The following MFNG variants were observed in gnomAD, a reference collection of about 807,000 sequenced individuals.
The protein encoded by MFNG is beta-1,3-N-acetylglucosaminyltransferase manic fringe.
In MFNG, 24 loss-of-function variants were observed where a neutral mutation model predicts 34.2. That is an observed-to-expected ratio of 0.70 (90% confidence interval 0.51 to 0.99). The LOEUF is 0.99. Among genes scored for constraint, MFNG ranks in the 50% least tolerant of loss-of-function variants. MFNG has a pLI of 0.00. For missense variants in MFNG, 383 were observed against 424.0 expected, an observed-to-expected ratio of 0.90 and a Z score of 0.85; for synonymous variants, 158 against 179.2, an observed-to-expected ratio of 0.88 and a Z score of 0.94.
At chr22:37,470,821 C>A (rs1921772400) in intron 7 of MFNG, among the ~76,000 whole-genome samples, 1 of 152,166 alleles carries the variant, frequency 6.6e-6, no homozygotes, top group African/African-American at 2.4e-5. Context: ...AAATTTGACA[C>A]CATTCCCTCC....
At position 37,480,302 on chromosome 22, in the gene MFNG, G is replaced by A. The variant is rs752451198; in HGVS notation, c.305-3C>T. The A allele has an allele frequency of 2.5e-6, 4 of 1,612,206 alleles. No individual in the cohort carries two copies. In the South Asian group the frequency reaches 3.3e-5, roughly 13 times the overall value. On this transcript the variant is annotated splice_region_variant and splice_polypyrimidine_tract_variant and intron_variant, in intron 2 of 7. Transcript: ENST00000356998. ...GTTGGTGACCACAAGGTGGGACCCTGGAGAAGTGAGGAGGAGTCAGGGGAC... is the reference window on the plus strand; with the variant it reads ...GTTGGTGACCACAAGGTGGGACCCTAGAGAAGTGAGGAGGAGTCAGGGGAC...
Position 37,474,531 on chromosome 22 carries a change from GTC to G in MFNG, c.792_793del (p.Arg264SerfsTer16). Reference sequence around the variant, plus strand: ...GCTCACCTGTTCTGGGAGCTGTGCAGTCCTCAGCAGCTGCAGGGTCTCCAGGT... The same window carrying G: ...GCTCACCTGTTCTGGGAGCTGTGCAGCTCAGCAGCTGCAGGGTCTCCAGGT... On this transcript the variant is annotated frameshift_variant, in exon 6 of 8. Coordinates refer to ENST00000356998, the MANE Select transcript of MFNG (RefSeq NM_002405.4). LOFTEE classifies it high-confidence loss of function. 1 of 1,614,042 alleles carries G rather than the reference GTC, an allele frequency of 6.2e-7. No individual in the cohort carries two copies.
intron 7 of MFNG, among the ~76,000 whole-genome samples, chr22:37,470,946 C>T (rs1008671087): frequency 1.1e-4 from 17 of 152,184 alleles, no homozygotes; most frequent in African/African-American, 3.1e-4. Context: ...TGATCTGCCA[C>T]CTGCTCTTCT....
chr22:37,469,657 T>C lies in MFNG; in HGVS notation c.*306A>G. The C allele has an allele frequency of 2.2e-6, 1 of 459,722 alleles. No homozygotes were observed. The highest frequency in any genetic ancestry group is 4.1e-6 in the Non-Finnish European group (1 of 244,786). The allele number at this position is 459,722 out of a possible 1,614,324, so 28.5% of individuals were successfully genotyped here. A position where few individuals can be genotyped will look rare whatever the true frequency, so the allele number is the denominator to read the frequency against. On this transcript the variant is annotated 3_prime_UTR_variant, in exon 8 of 8. Transcript: ENST00000356998. ...TCACTGCCTAAAGGGTTAGGACCCC[T>C]GAGCCCCAGCCCAGCTCAAGTGCCC...
intron 2 of MFNG, 159 bp from the exon 3 acceptor site, chr22:37,480,458 GC>G: frequency 1.5e-6 from 1 of 669,608 alleles, no homozygotes. Flanking sequence ...AGGCAGACCT[GC>G]CCAGGACCAC....
At chr22:37,481,407 A>G (rs1329377676) in intron 1 of MFNG, 1 of 152,830 alleles carries the variant, frequency 6.5e-6, no homozygotes, top group African/African-American at 2.4e-5. Context: ...TGAGTGATGG[A>G]CCAGGATTGG....
rs1921845541 is a variant in MFNG at position 37,472,327 on chromosome 22, C to T, written c.899+116G>A. 23 of 741,036 alleles carry T rather than the reference C, an allele frequency of 3.1e-5. No individual in the cohort carries two copies. The East Asian group carries it at 6.6e-4, about 21-fold the overall frequency. The allele number at this position is 741,036 out of a possible 1,614,324, so 45.9% of individuals were successfully genotyped here. On this transcript the variant is annotated intron_variant, in intron 7 of 7. Transcript: ENST00000356998. Reference sequence around the variant, plus strand: ...AAATCCACTCCCTCCACTCCTAGCTCTGTGCTGTCAGCCACCAAAGCCTGT... The same window carrying T: ...AAATCCACTCCCTCCACTCCTAGCTTTGTGCTGTCAGCCACCAAAGCCTGT...
chr22:37,486,245 C>G lies in MFNG; in HGVS notation c.-68G>C. The G allele has an allele frequency of 7.0e-7, 1 of 1,432,946 alleles. No individual in the cohort carries two copies. The highest frequency in any genetic ancestry group is 2.5e-5 in the East Asian group (1 of 39,700). The allele number at this position is 1,432,946 out of a possible 1,614,324, so 88.8% of individuals were successfully genotyped here. A position where few individuals can be genotyped will look rare whatever the true frequency, so the allele number is the denominator to read the frequency against. On this transcript the variant is annotated 5_prime_UTR_variant, in exon 1 of 8. An upstream open reading frame in the 5' UTR loses its in-frame stop. Coordinates refer to ENST00000356998, the MANE Select transcript of MFNG (RefSeq NM_002405.4). Reference sequence around the variant, plus strand: ...AACCAGACAGGGAGGGGAAGCTGGTCAGGCAGGGGCTCCAGCAGAGGCAAA... The same window carrying G: ...AACCAGACAGGGAGGGGAAGCTGGTGAGGCAGGGGCTCCAGCAGAGGCAAA...
rs747861325 is a variant in MFNG, at chr22:37,486,059, T to C, written c.119A>G (p.Glu40Gly). 3 of 1,613,756 alleles carry C rather than the reference T, an allele frequency of 1.9e-6. No homozygotes were observed. The South Asian group carries it at 3.3e-5, about 18-fold the overall frequency. The change falls in exon 1 of 8, where the codon GAG becomes GGG. Residue 40 changes from glutamate (E) to glycine (G), a missense_variant. By Grantham distance (98) the Glu-to-Gly change is moderately conservative. Transcript: ENST00000356998. ...LSPQRVQGTPELSQPNPGPPK... is the reference protein window; with the variant it reads ...LSPQRVQGTPGLSQPNPGPPK... ...GGGCCCCGGGTTCGGCTGGCTCAGC[T>C]CGGGGGTCCCTTGTACCCGCTGCGG...
chr22:37,477,763 A>G (rs1363365541), intron 4 of MFNG, among the ~76,000 whole-genome samples: 2 of 152,054 alleles, frequency 1.3e-5, no homozygotes, highest in African/African-American at 4.8e-5. Flanking sequence ...GATCACTAAC[A>G]CTTTCTAGTG....
rs911876876 is a variant in MFNG, at chr22:37,469,552, C to T, written c.*411G>A. The T allele has an allele frequency of 1.1e-4, 38 of 338,130 alleles. No homozygotes were observed. Among genetic ancestry groups the T allele is most frequent in the Middle Eastern group, 1.1e-3 (1 of 950 alleles). 20.9% of individuals were successfully genotyped at this position (338,130 alleles called of 1,614,324 possible). On this transcript the variant is annotated 3_prime_UTR_variant, in exon 8 of 8. Coordinates refer to ENST00000356998, the MANE Select transcript of MFNG (RefSeq NM_002405.4). ...CACAGATGAGGGAGGCAGGAGTGGG[C>T]GGCCCAGCGCTTGAGCCCCAGGGGA... is the stretch of plus-strand genomic sequence containing the variant.
At position 37,482,127 on chromosome 22, in the gene MFNG, C is replaced by G. The variant is rs1247245063; in HGVS notation, c.256-1358G>C. On this transcript the variant is annotated intron_variant, in intron 1 of 7. Coordinates refer to ENST00000356998, the MANE Select transcript of MFNG (RefSeq NM_002405.4). This position sits in a 1 kb window ranked among gnomAD's most constrained non-coding sequence, Gnocchi z 4.1. ...GACACAGGAAGGGGCAGGAGGGAGCCAGGCTATCTCCTAAGGCCCATGGCC... is the reference window on the plus strand; with the variant it reads ...GACACAGGAAGGGGCAGGAGGGAGCGAGGCTATCTCCTAAGGCCCATGGCC... Among the ~76,000 whole-genome samples, 1 of 152,176 alleles carries G rather than the reference C, an allele frequency of 6.6e-6. No homozygotes were observed. Among genetic ancestry groups the G allele is most frequent in the East Asian group, 1.9e-4 (1 of 5,196 alleles).
At position 37,474,634 on chromosome 22, in the gene MFNG, C is replaced by G. The variant is rs1431512152; in HGVS notation, c.691G>C (p.Asp231His). The G allele has an allele frequency of 3.7e-6, 6 of 1,613,550 alleles. No individual in the cohort carries two copies. Among genetic ancestry groups the G allele is most frequent in the South Asian group, 1.1e-5 (1 of 90,998 alleles). ...MDTSALIRLPDDCTMGYIIEC... is the reference protein window; with the variant it reads ...MDTSALIRLPHDCTMGYIIEC... ...ATGATATAGCCCATGGTGCAGTCAT[C>G]AGGCAGCCGGATGAGAGCAGATGTG... Residue 231 changes from aspartate (D) to histidine (H), a missense_variant, in exon 6 of 8, where the codon GAT becomes CAT. Physicochemically the swap from Asp to His is moderately conservative, Grantham distance 81. Transcript: ENST00000356998.
intron 4 of MFNG, among the ~76,000 whole-genome samples, 188 bp downstream of exon 4, chr22:37,479,157 T>A (rs1383428191): frequency 1.3e-5 from 2 of 152,174 alleles, no homozygotes; most frequent in Non-Finnish European, 2.9e-5. Flanking sequence ...CTGCATGATC[T>A]CAGTCTCCCC....
chr22:37,479,982 CAAG>C (rs1922218197), intron 3 of MFNG, among the ~76,000 whole-genome samples: 1 of 151,728 alleles, frequency 6.6e-6, no homozygotes, highest in Non-Finnish European at 1.5e-5. Context: ...CCAGCCTGGG[CAAG>C]AAGAACGATA....
chr22:37,481,006 T>A (rs1197377847), intron 1 of MFNG: 2 of 542,290 alleles, frequency 3.7e-6, no homozygotes, highest in Admixed American at 6.6e-5. Context: ...ACTCACCCCC[T>A]TTCCAGAGCA....
At chr22:37,473,520 G>T (rs1006908723) in intron 6 of MFNG, among the ~76,000 whole-genome samples, 11 of 148,578 alleles carry the variant, frequency 7.4e-5, no homozygotes, top group African/African-American at 2.7e-4. Context: ...GGTTTGGGCT[G>T]CCTCAAATCT....
chr22:37,472,418 C>A, intron 7 of MFNG, 25 bp downstream of exon 7: 2 of 1,544,250 alleles, frequency 1.3e-6, no homozygotes, highest in East Asian at 2.5e-5. Flanking sequence ...CTCCTCCCAT[C>A]CAAGGTTCCA....
chr22:37,472,235 G>A (rs958802485), intron 7 of MFNG, among the ~76,000 whole-genome samples: 5 of 152,016 alleles, frequency 3.3e-5, no homozygotes, highest in African/African-American at 9.7e-5. Flanking sequence ...ATGGGAGACC[G>A]AATCCCAGAG....
Sources: gnomAD v4.1 joint callset for allele counts (sites outside exome capture counted in the v4.1 genomes callset) on GRCh38, gnomAD v4.1.1 for gene constraint, Gnocchi (gnomAD v3.1) non-coding constraint, MANE v1.5 for transcripts, NCBI Gene and HGNC (gene_info 2026-07-23, HGNC 2026-07-21) for gene names.